The following DYNC2H1 variants were observed in gnomAD, a reference collection of about 807,000 sequenced individuals.
DYNC2H1 encodes cytoplasmic dynein 2 heavy chain 1.
A neutral mutation model predicts 570.0 loss-of-function variants in DYNC2H1; 410 were observed. The ratio of observed to expected loss-of-function variants is 0.72; its 90% CI spans 0.66 to 0.78. The LOEUF (loss-of-function observed/expected upper bound fraction) is 0.78. DYNC2H1 is among the 30% of genes least tolerant of loss of function. DYNC2H1 has a pLI of 0.00. For missense variants in DYNC2H1, 4,865 were observed against 5,046.4 expected (o/e 0.96, Z 1.09); for synonymous variants, 1,688 against 1,677.6 (o/e 1.01, Z -0.15).
chr11:103,172,494 G>GT (rs1354082120), intron 34 of DYNC2H1, among the ~76,000 whole-genome samples: 1 of 151,662 alleles, frequency 6.6e-6, no homozygotes, highest in African/African-American at 2.4e-5. Context: ...AGATTTCTTG[G>GT]TTTTTCTACT....
chr11:103,321,154 T>G lies in DYNC2H1; in HGVS notation c.11851T>G (p.Ser3951Ala). ...QSYLKQFFNSSVIDVFNQRNK... is the reference protein window; with the variant it reads ...QSYLKQFFNSAVIDVFNQRNK... ...ATACCTGAAGCAGTTTTTTAATTCTTCAGTTATTGATGTATTCAACCAAAG... is the reference window on the plus strand; with the variant it reads ...ATACCTGAAGCAGTTTTTTAATTCTGCAGTTATTGATGTATTCAACCAAAG... The change falls in exon 81 of 89, where the codon TCA (serine) becomes GCA (alanine). Residue 3951 changes from serine to alanine, a missense_variant. By Grantham distance (99) the Ser-to-Ala change is moderately conservative (BLOSUM62 1). Coordinates refer to ENST00000375735, the MANE Select transcript of DYNC2H1 (RefSeq NM_001377.3). The G allele has an allele frequency of 6.2e-7, 1 of 1,612,118 alleles. No homozygotes were observed. The highest frequency in any genetic ancestry group is 8.5e-7 in the Non-Finnish European group (1 of 1,178,902).
intron 70 of DYNC2H1, among the ~76,000 whole-genome samples, chr11:103,276,163 TAATC>T (rs1218490587): frequency 1.3e-5 from 2 of 151,450 alleles, no homozygotes; most frequent in African/African-American, 2.4e-5. Flanking sequence ...TTAATTCACT[TAATC>T]AAGAAATAGT....
intron 52 of DYNC2H1, among the ~76,000 whole-genome samples, chr11:103,208,899 T>C (rs1863040468): frequency 6.6e-6 from 1 of 152,094 alleles, no homozygotes; most frequent in Non-Finnish European, 1.5e-5. Context: ...CAGCACACTT[T>C]GCTAATGTAG....
At chr11:103,462,491 T>C (rs192850177) in intron 87 of DYNC2H1, among the ~76,000 whole-genome samples, 36 of 152,326 alleles carry the variant, frequency 2.4e-4, no homozygotes. Flanking sequence ...TTTCATCTAA[T>C]AGATCATTGC....
At chr11:103,432,882 A>C (rs1193064002) in intron 84 of DYNC2H1, among the ~76,000 whole-genome samples, 1 of 152,100 alleles carries the variant, frequency 6.6e-6, no homozygotes, top group Non-Finnish European at 1.5e-5. Context: ...CACCCAATAA[A>C]TATTAGCTTA....
At chr11:103,335,159 GCATC>G (rs960983794) in intron 82 of DYNC2H1, among the ~76,000 whole-genome samples, 27 of 151,984 alleles carry the variant, frequency 1.8e-4, no homozygotes, top group African/African-American at 6.5e-4. Flanking sequence ...CATTTTAAAA[GCATC>G]CATCAGCATT....
Position 103,204,220 on chromosome 11 carries a change from A to G in DYNC2H1, c.8311+444A>G, listed in dbSNP as rs1862834679. On this transcript the variant is annotated intron_variant, in intron 51 of 88. Coordinates refer to ENST00000375735, the MANE Select transcript of DYNC2H1 (RefSeq NM_001377.3). This position sits in a 1 kb window ranked among gnomAD's most constrained non-coding sequence, Gnocchi z 4.1. Reference sequence around the variant, plus strand: ...TGGGAAATACCTGCCCCGCTCCATGATTCAATCATGTCCCACCAGGTTCCT... The same window carrying G: ...TGGGAAATACCTGCCCCGCTCCATGGTTCAATCATGTCCCACCAGGTTCCT... Among the ~76,000 whole-genome samples, 1 of 152,164 alleles carries G rather than the reference A, an allele frequency of 6.6e-6. No individual in the cohort carries two copies. Among genetic ancestry groups the G allele is most frequent in the African/African-American group, 2.4e-5 (1 of 41,434 alleles).
chr11:103,215,914 A>G (rs1863364969), intron 55 of DYNC2H1, 56 bp downstream of exon 55: 2 of 1,554,736 alleles, frequency 1.3e-6, no homozygotes, highest in Non-Finnish European at 1.7e-6. Context: ...TTTATGCCTG[A>G]TAGTCAGTGA....
At chr11:103,140,351 A>G (rs1254003978) in intron 17 of DYNC2H1, among the ~76,000 whole-genome samples, 3 of 152,072 alleles carry the variant, frequency 2.0e-5, no homozygotes, top group African/African-American at 7.2e-5. Context: ...GGCTGGTACC[A>G]GTTGTTCCTT....
At chr11:103,195,133 C>G (rs565111418) in intron 47 of DYNC2H1, among the ~76,000 whole-genome samples, 1 of 152,118 alleles carries the variant, frequency 6.6e-6, no homozygotes, top group Non-Finnish European at 1.5e-5. Context: ...CTCTTCATCC[C>G]CTTAGCAGGG....
chr11:103,387,098 C>A (rs922938486), intron 83 of DYNC2H1, among the ~76,000 whole-genome samples: 1 of 152,138 alleles, frequency 6.6e-6, no homozygotes, highest in African/African-American at 2.4e-5. Context: ...AATGGTTGAA[C>A]TAGTTTACAG....
intron 47 of DYNC2H1, among the ~76,000 whole-genome samples, chr11:103,193,628 C>T (rs1862405177): frequency 6.6e-6 from 1 of 151,964 alleles, no homozygotes; most frequent in South Asian, 2.1e-4. Flanking sequence ...ACCGCAACCT[C>T]CGCCTCCCGG....
chr11:103,384,233 ATCT>A (rs1337089571), intron 83 of DYNC2H1, among the ~76,000 whole-genome samples: 1 of 152,140 alleles, frequency 6.6e-6, no homozygotes, highest in Non-Finnish European at 1.5e-5. Context: ...TCAGAATGTT[ATCT>A]CTTCTTGATA....
At chr11:103,158,841 A>G (rs1222472834) in intron 27 of DYNC2H1, 32 bp downstream of exon 27, 8 of 1,463,046 alleles carry the variant, frequency 5.5e-6, no homozygotes, top group Non-Finnish European at 6.4e-6. Context: ...TATATAATAA[A>G]TTGTAAAGTA....
intron 83 of DYNC2H1, among the ~76,000 whole-genome samples, chr11:103,359,624 A>G (rs1940532547): frequency 6.7e-6 from 1 of 149,362 alleles, no homozygotes; most frequent in African/African-American, 2.5e-5. Context: ...AACTCACTGT[A>G]TTCTCTGCCT....
chr11:103,138,957 G>A (rs1378249424), intron 17 of DYNC2H1, among the ~76,000 whole-genome samples: 1 of 150,852 alleles, frequency 6.6e-6, no homozygotes, highest in Admixed American at 6.6e-5. Context: ...TGTATGTGTC[G>A]AGGAATTTAT....
At chr11:103,232,497 T>G (rs921157951) in intron 60 of DYNC2H1, among the ~76,000 whole-genome samples, 1 of 151,964 alleles carries the variant, frequency 6.6e-6, no homozygotes, top group Non-Finnish European at 1.5e-5. Context: ...TAAAACAGAA[T>G]GACATTTTTC....
At chr11:103,419,641 T>C (rs1026524363) in intron 84 of DYNC2H1, among the ~76,000 whole-genome samples, 1 of 149,992 alleles carries the variant, frequency 6.7e-6, no homozygotes, top group Non-Finnish European at 1.5e-5. Context: ...GTCAGCAACC[T>C]CAAAGATCAA....
intron 6 of DYNC2H1, among the ~76,000 whole-genome samples, chr11:103,118,582 C>T (rs1028358558): frequency 1.3e-5 from 2 of 151,740 alleles, no homozygotes; most frequent in Admixed American, 1.3e-4. Context: ...AAAACATAAC[C>T]ACAATGCCAT....
Sources: allele counts gnomAD v4.1 joint callset (sites outside exome capture counted in the v4.1 genomes callset), GRCh38; gene constraint gnomAD v4.1.1; non-coding constraint Gnocchi (gnomAD v3.1); transcripts MANE v1.5; gene names NCBI Gene and HGNC (gene_info 2026-07-23, HGNC 2026-07-21).